Variants in XPO6 observed in about 807,000 individuals in gnomAD.
XPO6 encodes the protein exportin 6, also known as exportin-6.
Under a neutral mutation model 130.0 loss-of-function variants are expected in XPO6, and 3 were observed. The observed-to-expected ratio is 0.02, with a 90% CI of 0.01 to 0.06. The LOEUF is 0.06. Ranked by LOEUF, XPO6 falls within the 10% of genes least tolerant of loss-of-function variation. XPO6 has a pLI of 1.00. For synonymous variants in XPO6, 524 were observed against 548.9 expected (o/e 0.95, Z 0.63); for missense variants, 970 against 1,393.0 (o/e 0.70, Z 4.83).
intron 1 of XPO6, among the ~76,000 whole-genome samples, chr16:28,192,804 G>A (rs1274071425): frequency 6.6e-6 from 1 of 152,178 alleles, no homozygotes; most frequent in African/African-American, 2.4e-5. Flanking sequence ...AAGCAAGAAT[G>A]AGGGGACACA....
rs771190474 is a variant in XPO6 at position 28,101,850 on chromosome 16, G to A, written c.3042C>T (p.His1014=). The A allele has an allele frequency of 6.2e-7, 1 of 1,613,894 alleles. No individual in the cohort carries two copies. The highest frequency in any genetic ancestry group is 8.5e-7 in the Non-Finnish European group (1 of 1,179,838). The change falls in exon 22 of 24, where the codon CAC becomes CAT. Residue 1014 remains histidine (H), a synonymous_variant. Transcript: ENST00000304658. The surrounding 1 kb of genome is among the most constrained non-coding windows in gnomAD (Gnocchi z 5.4). ...TTCCAAGAGCTGGGGCACTTACCTT[G>A]TGGTACAGCTTCTGCTTGGTGTTGA... ...ETLNTKQKLY[H]KKIFRTAMLF...
At chr16:28,150,336 T>C (rs989497205) in intron 8 of XPO6, among the ~76,000 whole-genome samples, 6 of 151,964 alleles carry the variant, frequency 3.9e-5, no homozygotes, top group African/African-American at 1.4e-4. Flanking sequence ...CCCCAATTAC[T>C]TTCCCAATAT....
intron 1 of XPO6, among the ~76,000 whole-genome samples, chr16:28,200,447 G>A (rs1278420173): frequency 1.3e-5 from 2 of 152,018 alleles, no homozygotes; most frequent in Non-Finnish European, 2.9e-5. Flanking sequence ...ATATGGACCA[G>A]CTACCACTGT....
rs1185241575 is a variant in XPO6, at chr16:28,111,863, C to T, written c.2295G>A (p.Leu765=). The T allele has an allele frequency of 1.2e-6, 2 of 1,614,062 alleles. No homozygotes were observed. The highest frequency in any genetic ancestry group is 1.3e-5 in the African/African-American group (1 of 74,916). ...TCTGTGGGGCAACAGCACTGGGCTT[C>T]AGGTTGCGATAGTCCCGGGAGAGTG... is the stretch of plus-strand genomic sequence containing the variant. ...ISALSRDYRN[L]KPSAVAPQRK... Residue 765 remains leucine (L), a synonymous_variant, in exon 17 of 24, where the codon CTG becomes CTA. Coordinates refer to ENST00000304658, the MANE Select transcript of XPO6 (RefSeq NM_015171.4).
At chr16:28,148,293 G>A (rs1230880017) in intron 8 of XPO6, among the ~76,000 whole-genome samples, 3 of 152,210 alleles carry the variant, frequency 2.0e-5, no homozygotes, top group Non-Finnish European at 2.9e-5. Context: ...ATAACCTGAA[G>A]CACCACCTTT....
chr16:28,177,162 T>C lies in XPO6; in HGVS notation c.207+58A>G, dbSNP rs1596937644. On this transcript the variant is annotated intron_variant, in intron 3 of 23. Coordinates refer to ENST00000304658, the MANE Select transcript of XPO6 (RefSeq NM_015171.4). ...TACAGCTCTAGTCTAGTGCTAATGA[T>C]ATGGCAATAGAACTACAAAATCCTT... 21 of 1,179,244 alleles carry C rather than the reference T, an allele frequency of 1.8e-5. No homozygotes were observed. In the South Asian group the frequency reaches 2.7e-4, roughly 15 times the overall value. 73.0% of individuals were successfully genotyped at this position (1,179,244 alleles called of 1,614,324 possible).
At chr16:28,181,157 T>C (rs2043608416) in intron 1 of XPO6, 126 bp from the exon 2 acceptor site, 3 of 686,918 alleles carry the variant, frequency 4.4e-6, no homozygotes, top group Admixed American at 5.9e-5. Flanking sequence ...TCAACATTCT[T>C]CAAATGCATG....
chr16:28,104,433 C>T (rs2086727013), intron 21 of XPO6, 113 bp downstream of exon 21: 2 of 1,326,250 alleles, frequency 1.5e-6, no homozygotes, highest in East Asian at 2.4e-5. Flanking sequence ...TTCATCAATA[C>T]TAACAGGCAG....
chr16:28,104,416 A>T, intron 21 of XPO6, 130 bp downstream of exon 21: 1 of 1,180,968 alleles, frequency 8.5e-7, no homozygotes, highest in Non-Finnish European at 1.2e-6. Flanking sequence ...CCAAGAAATT[A>T]ATTAACTTCA....
At chr16:28,146,377 C>T (rs2141800873) in intron 8 of XPO6, 174 bp from the exon 9 acceptor site, 1 of 573,570 alleles carries the variant, frequency 1.7e-6, no homozygotes, top group Non-Finnish European at 3.1e-6. Flanking sequence ...TTGGGCCCTC[C>T]TGAACCTTAC....
At chr16:28,206,488 C>G (rs1458954551) in intron 1 of XPO6, among the ~76,000 whole-genome samples, 1 of 152,080 alleles carries the variant, frequency 6.6e-6, no homozygotes, top group Non-Finnish European at 1.5e-5. Context: ...ATCGAGGTCA[C>G]TATGAGCTGT....
At chr16:28,154,243 C>T in intron 7 of XPO6, 1 of 908,250 alleles carries the variant, frequency 1.1e-6, no homozygotes. Flanking sequence ...ACTCAATTCC[C>T]TACTACCCAT....
At chr16:28,103,631 G>A (rs2086701668) in intron 21 of XPO6, among the ~76,000 whole-genome samples, 1 of 152,174 alleles carries the variant, frequency 6.6e-6, no homozygotes, top group South Asian at 2.1e-4. Context: ...TGCCAAAGAA[G>A]TCTTCCAGGC....
intron 9 of XPO6, among the ~76,000 whole-genome samples, chr16:28,141,051 C>T (rs529059052): frequency 3.3e-5 from 5 of 152,242 alleles, no homozygotes; most frequent in Non-Finnish European, 4.4e-5. Flanking sequence ...TGCTAGAGCT[C>T]TGATCTAAAC....
chr16:28,151,271 A>G (rs1208177846), intron 8 of XPO6, among the ~76,000 whole-genome samples: 3 of 152,096 alleles, frequency 2.0e-5, no homozygotes, highest in Admixed American at 6.5e-5. Context: ...TAAAACAGCT[A>G]TCTGTGTACA....
rs1459537834 is a variant in XPO6, at chr16:28,132,541, T to C, written c.1537-138A>G. The stretch of plus-strand genomic sequence containing the variant: ...AACCTTTTCTCTGGGAACCTTTAAA[T>C]GCAGCTAAAAAGCTATGACCCCCCT... On this transcript the variant is annotated intron_variant, in intron 11 of 23. Coordinates refer to ENST00000304658, the MANE Select transcript of XPO6 (RefSeq NM_015171.4). This position sits in a 1 kb window ranked among gnomAD's most constrained non-coding sequence, Gnocchi z 4.0. The C allele has an allele frequency of 5.1e-6, 3 of 589,156 alleles. No individual in the cohort carries two copies. The highest frequency in any genetic ancestry group is 1.9e-5 in the African/African-American group (1 of 51,420). The allele number at this position is 589,156 out of a possible 1,614,324, so 36.5% of individuals were successfully genotyped here. A position where few individuals can be genotyped will look rare whatever the true frequency, so the allele number is the denominator to read the frequency against.
intron 6 of XPO6, among the ~76,000 whole-genome samples, chr16:28,156,747 G>A (rs1454086004): frequency 6.6e-6 from 1 of 152,142 alleles, no homozygotes. Context: ...ATGATTCTTA[G>A]TGAGGGGGAT....
At chr16:28,134,543 T>C (rs1370603472) in intron 10 of XPO6, among the ~76,000 whole-genome samples, 1 of 152,242 alleles carries the variant, frequency 6.6e-6, no homozygotes, top group Admixed American at 6.5e-5. Context: ...GTTGCAGAGC[T>C]TCAAACCCAG....
intron 6 of XPO6, among the ~76,000 whole-genome samples, chr16:28,160,986 A>T (rs1278897906): frequency 6.6e-6 from 1 of 152,196 alleles, no homozygotes; most frequent in East Asian, 1.9e-4. Flanking sequence ...GACTCTCCCA[A>T]CTGCTTCTGC....
Sources: gnomAD v4.1 joint callset for allele counts (sites outside exome capture counted in the v4.1 genomes callset) on GRCh38, gnomAD v4.1.1 for gene constraint, Gnocchi (gnomAD v3.1) non-coding constraint, MANE v1.5 for transcripts, NCBI Gene and HGNC (gene_info 2026-07-23, HGNC 2026-07-21) for gene names.